The following LRRC8A variants were observed in gnomAD, a reference collection of about 807,000 sequenced individuals.
The protein encoded by LRRC8A is leucine rich repeat containing 8 VRAC subunit A, also known as volume-regulated anion channel subunit LRRC8A.
In LRRC8A, 24 loss-of-function variants were observed where a neutral mutation model predicts 52.5. That is an observed-to-expected ratio of 0.46 (90% CI 0.33 to 0.64). LRRC8A has a LOEUF of 0.64. Among genes scored for constraint, LRRC8A ranks in the 30% least tolerant of loss-of-function variants. LRRC8A has a pLI of 0.02. For missense variants in LRRC8A, 677 were observed against 1,094.7 expected, an observed-to-expected ratio of 0.62 and a Z score of 5.38; for synonymous variants, 492 against 494.2, an observed-to-expected ratio of 1.00 and a Z score of 0.06.
At chr9:128,898,616 T>A (rs1194748529) in intron 2 of LRRC8A, among the ~76,000 whole-genome samples, 2 of 152,232 alleles carry the variant, frequency 1.3e-5, no homozygotes, top group African/African-American at 2.4e-5. Context: ...CTTGGCACAC[T>A]GGATGTGTTG....
chr9:128,896,604 TC>T (rs1839833874), intron 2 of LRRC8A, among the ~76,000 whole-genome samples: 1 of 152,236 alleles, frequency 6.6e-6, no homozygotes, highest in African/African-American at 2.4e-5. Context: ...TTTGCATTTT[TC>T]CCCTGTGAAT....
chr9:128,904,864 G>A (rs1306265456), intron 2 of LRRC8A, among the ~76,000 whole-genome samples: 3 of 151,878 alleles, frequency 2.0e-5, no homozygotes, highest in Non-Finnish European at 4.4e-5. Context: ...GGGTGTGGTG[G>A]GCGGGTGCCT....
intron 1 of LRRC8A, among the ~76,000 whole-genome samples, chr9:128,885,600 G>A (rs1461391922): frequency 6.6e-6 from 1 of 152,110 alleles, no homozygotes; most frequent in Non-Finnish European, 1.5e-5. Flanking sequence ...TCTGGAGGGA[G>A]GTGCTCTGTC....
chr9:128,898,857 T>A (rs1839921684), intron 2 of LRRC8A, among the ~76,000 whole-genome samples: 1 of 152,250 alleles, frequency 6.6e-6, no homozygotes. Context: ...TTCTGTGATC[T>A]TCATGATAGT....
chr9:128,903,724 G>A (rs937032554), intron 2 of LRRC8A, among the ~76,000 whole-genome samples: 10 of 150,912 alleles, frequency 6.6e-5, no homozygotes, highest in Non-Finnish European at 1.3e-4. Flanking sequence ...GAGAAGTGCT[G>A]TTCTTAAAGA....
chr9:128,886,788 G>T (rs990908281), intron 2 of LRRC8A, among the ~76,000 whole-genome samples: 1 of 152,226 alleles, frequency 6.6e-6, no homozygotes, highest in East Asian at 1.9e-4. Flanking sequence ...GTCATAGCTG[G>T]TGTGTGTATA....
chr9:128,906,190 G>A (rs1294722313), intron 2 of LRRC8A, among the ~76,000 whole-genome samples: 2 of 152,118 alleles, frequency 1.3e-5, no homozygotes, highest in Admixed American at 6.5e-5. Context: ...GTACAGCGAC[G>A]GGGTCATAGC....
At chr9:128,912,390 G>A (rs953339730) in intron 3 of LRRC8A, among the ~76,000 whole-genome samples, 5 of 152,086 alleles carry the variant, frequency 3.3e-5, no homozygotes, top group Admixed American at 1.3e-4. Flanking sequence ...TGAAGAACGA[G>A]GAGGAGGAAG....
At chr9:128,890,130 T>TTGTGTGTGTGTGTGTGTGTGTGTGTG (rs57721007) in intron 2 of LRRC8A, among the ~76,000 whole-genome samples, 32 of 128,210 alleles carry the variant, frequency 2.5e-4, no homozygotes, top group Admixed American at 1.5e-3. Flanking sequence ...TGGCTTCATT[T>TTGTGTGTGTGTGTGTGTGTGTGTGTG]TGTGTGTGTG....
intron 3 of LRRC8A, 121 bp downstream of exon 3, chr9:128,909,442 C>T (rs776707983): frequency 3.1e-5 from 30 of 953,630 alleles, no homozygotes; most frequent in Non-Finnish European, 4.5e-5. Flanking sequence ...GTGGAGTCCT[C>T]ACCTGGGGTT....
chr9:128,895,307 C>T (rs968677129), intron 2 of LRRC8A, among the ~76,000 whole-genome samples: 13 of 152,156 alleles, frequency 8.5e-5, no homozygotes, highest in South Asian at 6.2e-4. Context: ...CAAGACCGTG[C>T]CACTGCACTC....
Position 128,908,547 on chromosome 9 carries a change from C to T in LRRC8A, c.1383C>T (p.Ile461=). ...LKLELIPDVT[I]PPSIAQLTGL... ...TGGAGCTGATCCCCGACGTGACCAT[C>T]CCGCCCAGCATTGCCCAGCTCACGG... The change falls in exon 3 of 4, where the codon ATC becomes ATT. Residue 461 remains isoleucine (I), a synonymous_variant. Coordinates refer to ENST00000372600, the MANE Select transcript of LRRC8A (RefSeq NM_019594.4). The T allele has an allele frequency of 3.7e-6, 6 of 1,612,806 alleles. No individual in the cohort carries two copies. The highest frequency in any genetic ancestry group is 5.1e-6 in the Non-Finnish European group (6 of 1,179,976).
intron 2 of LRRC8A, among the ~76,000 whole-genome samples, chr9:128,894,704 A>G (rs1267986232): frequency 6.6e-6 from 1 of 151,496 alleles, no homozygotes; most frequent in East Asian, 1.9e-4. Flanking sequence ...GAGGCAGGAG[A>G]ATCGCTTGAA....
chr9:128,893,415 C>G lies in LRRC8A; in HGVS notation c.-9+7294C>G, dbSNP rs527313272. ...CTTACTTTTAATTCTCACGATAACC[C>G]ATTTCACAGCTATAACCCATTTTAG... On this transcript the variant is annotated intron_variant, in intron 2 of 3. Transcript: ENST00000372600. Among the ~76,000 whole-genome samples the G allele has an allele frequency of 3.9e-5, 6 of 152,334 alleles. No individual in the cohort carries two copies. The East Asian group carries it at 5.8e-4, about 15-fold the overall frequency.
chr9:128,889,477 T>TG (rs1839518524), intron 2 of LRRC8A, among the ~76,000 whole-genome samples: 1 of 147,944 alleles, frequency 6.8e-6, no homozygotes, highest in Non-Finnish European at 1.5e-5. Flanking sequence ...CTGGACAGGT[T>TG]TTTTTTTTTT....
At chr9:128,904,998 A>AG (rs1840186991) in intron 2 of LRRC8A, among the ~76,000 whole-genome samples, 2 of 115,238 alleles carry the variant, frequency 1.7e-5, no homozygotes, top group African/African-American at 7.3e-5. Flanking sequence ...ACTCCGTCTC[A>AG]AAAAAAAAAA....
rs1839957814 is a variant in LRRC8A, at chr9:128,899,796, G to A, written c.-8-7361G>A. Among the ~76,000 whole-genome samples the A allele has an allele frequency of 6.6e-6, 1 of 152,176 alleles. No homozygotes were observed. ...GTGGGTTTCAGTTTAACGAGATGAA[G>A]AGAGTTCTGTGTATGGTGGTGATGG... On this transcript the variant is annotated intron_variant, in intron 2 of 3. Transcript: ENST00000372600. The surrounding 1 kb of genome is among the most constrained non-coding windows in gnomAD (Gnocchi z 4.0).
chr9:128,908,394 G>T lies in LRRC8A; in HGVS notation c.1230G>T (p.Glu410Asp). The T allele has an allele frequency of 6.2e-7, 1 of 1,613,814 alleles. No individual in the cohort carries two copies. Among genetic ancestry groups the T allele is most frequent in the East Asian group, 2.2e-5 (1 of 44,892 alleles). Residue 410 changes from glutamate to aspartate, a missense_variant, in exon 3 of 4, where the codon GAG becomes GAT. By Grantham distance (45) the Glu-to-Asp change is conservative. Around this residue, in one of 4 missense-constraint regions of LRRC8A, gnomAD observed 422 missense variants for 741.5 expected, o/e 0.57. Transcript: ENST00000372600. ...TGCGGCAGCTGAACCTCAACAACGAGTGGACGCTGGACAAGCTCCGGCAGC... is the reference window on the plus strand; with the variant it reads ...TGCGGCAGCTGAACCTCAACAACGATTGGACGCTGGACAAGCTCCGGCAGC... ...NKLRQLNLNN[E>D]WTLDKLRQRL...
rs1002545359 is a variant in LRRC8A at position 128,899,062 on chromosome 9, G to T, written c.-8-8095G>T. ...CACAGCCCAGCAGTCTGACGCGGGG[G>T]TGGGCAGCTGAGGGGGAAGGAGGAG... On this transcript the variant is annotated intron_variant, in intron 2 of 3. Transcript: ENST00000372600. The surrounding 1 kb of genome is among the most constrained non-coding windows in gnomAD (Gnocchi z 4.0). 6.6e-6 allele frequency among the ~76,000 whole-genome samples: 1 copy of T among 152,236 alleles called. No individual in the cohort carries two copies. Among genetic ancestry groups the T allele is most frequent in the Non-Finnish European group, 1.5e-5 (1 of 68,042 alleles).
Sources: gnomAD v4.1 joint callset for allele counts (sites outside exome capture counted in the v4.1 genomes callset) on GRCh38, gnomAD v4.1.1 for gene constraint, gnomAD v4.1.1 regional missense constraint, Gnocchi (gnomAD v3.1) non-coding constraint, MANE v1.5 for transcripts, NCBI Gene and HGNC (gene_info 2026-07-23, HGNC 2026-07-21) for gene names.